TET3: variants seen among roughly 807,000 people sequenced by gnomAD.
TET3 encodes methylcytosine dioxygenase TET3.
In TET3, 19 loss-of-function variants were observed where a neutral mutation model predicts 141.4. The ratio of observed to expected loss-of-function variants is 0.13; its 90% CI spans 0.09 to 0.20. The LOEUF (loss-of-function observed/expected upper bound fraction) is 0.20. Among genes scored for constraint, TET3 ranks in the 10% least tolerant of loss-of-function variants. The pLI is 1.00. For missense variants in TET3, 1,874 were observed against 2,356.9 expected, an observed-to-expected ratio of 0.80 and a Z score of 4.24; for synonymous variants, 1,043 against 980.9, an observed-to-expected ratio of 1.06 and a Z score of -1.18.
chr2:74,065,016 G>T (rs934529335), intron 4 of TET3, among the ~76,000 whole-genome samples: 4 of 152,086 alleles, frequency 2.6e-5, no homozygotes, highest in Admixed American at 6.5e-5. Context: ...TGTAAAACAT[G>T]CAACTCATTT....
At chr2:74,076,586 T>C (rs1002109579) in intron 5 of TET3, among the ~76,000 whole-genome samples, 2 of 151,952 alleles carry the variant, frequency 1.3e-5, no homozygotes, top group Non-Finnish European at 2.9e-5. Context: ...CCCCACTGAT[T>C]GTATTTTGTG....
chr2:74,131,096 C>T, the TET3 span, among the ~76,000 whole-genome samples: 1 of 151,986 alleles, frequency 6.6e-6, no homozygotes, highest in Admixed American at 6.6e-5. Context: ...TCCGCTCTCC[C>T]GTTCCCTCAC....
At chr2:74,027,337 C>CTTTT (rs10649560) in intron 3 of TET3, among the ~76,000 whole-genome samples, 193 of 139,646 alleles carry the variant, frequency 1.4e-3, no homozygotes, top group Non-Finnish European at 2.0e-3. Flanking sequence ...TGAGAAGTGA[C>CTTTT]TTTTTTTTTT....
Position 74,107,281 on chromosome 2 carries a change from C to T in TET3, c.*5105C>T, listed in dbSNP as rs559498795. The T allele has an allele frequency of 3.3e-5, 5 of 152,360 alleles. No individual in the cohort carries two copies. Among genetic ancestry groups the T allele is most frequent in the East Asian group, 1.9e-4 (1 of 5,184 alleles). 9.4% of individuals were successfully genotyped at this position (152,360 alleles called of 1,614,324 possible). A position where few individuals can be genotyped will look rare whatever the true frequency, so the allele number is the denominator to read the frequency against. On this transcript the variant is annotated 3_prime_UTR_variant, in exon 12 of 12. Coordinates refer to ENST00000409262, the MANE Select transcript of TET3 (RefSeq NM_001287491.2). Reference sequence around the variant, plus strand: ...ATAGGCTTCTCCCCTGAGCAGAGACCGCAGCACAGAAATGCAAGGTCTAAA... The same window carrying T: ...ATAGGCTTCTCCCCTGAGCAGAGACTGCAGCACAGAAATGCAAGGTCTAAA...
intron 8 of TET3, among the ~76,000 whole-genome samples, chr2:74,090,728 C>T (rs1558785335): frequency 6.6e-6 from 1 of 152,230 alleles, no homozygotes; most frequent in Non-Finnish European, 1.5e-5. Context: ...AGGCCGCCTC[C>T]CCTCTGTTGT....
At chr2:74,123,236 G>A in the TET3 span, 3 of 152,170 alleles carry the variant, frequency 2.0e-5, no homozygotes, top group Non-Finnish European at 4.4e-5. Context: ...ATGTCAAATC[G>A]CTTGAATTCA....
intron 3 of TET3, among the ~76,000 whole-genome samples, chr2:74,031,120 TGCAGGCTGAGC>T (rs371947783): frequency 7.2e-5 from 11 of 151,952 alleles, no homozygotes; most frequent in African/African-American, 2.4e-4. Context: ...GGGCTGTTGG[TGCAGGCTGAGC>T]GGTGGGGCCT....
intron 3 of TET3, among the ~76,000 whole-genome samples, chr2:74,008,944 G>A (rs1318444246): frequency 6.6e-6 from 1 of 152,144 alleles, no homozygotes; most frequent in African/African-American, 2.4e-5. Flanking sequence ...TTTCCCCCGT[G>A]TAATCCTAAC....
intron 3 of TET3, among the ~76,000 whole-genome samples, chr2:74,038,259 A>G (rs1031960855): frequency 1.1e-4 from 17 of 152,132 alleles, no homozygotes; most frequent in Admixed American, 8.5e-4. Context: ...GTGAAGAGTT[A>G]TGTCTCTTCT....
chr2:74,088,522 T>G (rs536725238), intron 7 of TET3, among the ~76,000 whole-genome samples: 2 of 152,118 alleles, frequency 1.3e-5, no homozygotes, highest in Non-Finnish European at 2.9e-5. Context: ...ACACCTGTAG[T>G]CCCAGCTACT....
intron 2 of TET3, among the ~76,000 whole-genome samples, chr2:73,988,990 G>GTTGT (rs1684188311): frequency 9.4e-6 from 1 of 106,304 alleles, no homozygotes; most frequent in African/African-American, 3.7e-5. Flanking sequence ...AAAAAAAAAA[G>GTTGT]TTTTTTTTGT....
intron 4 of TET3, among the ~76,000 whole-genome samples, chr2:74,064,167 T>A (rs185337947): frequency 7.6e-4 from 116 of 152,234 alleles, no homozygotes; most frequent in Non-Finnish European, 1.0e-3. Flanking sequence ...TAGCTTATAA[T>A]CAATGATGTC....
chr2:73,992,179 T>G (rs4852999), intron 2 of TET3, among the ~76,000 whole-genome samples: 14,677 of 152,130 alleles, frequency 0.096, 1,775 homozygotes, highest in African/African-American at 0.27. Flanking sequence ...ACTGGGTCCC[T>G]GTGGTGTCAG....
intron 7 of TET3, 93 bp downstream of exon 7, chr2:74,088,131 A>G (rs1459367701): frequency 1.1e-5 from 14 of 1,298,352 alleles, no homozygotes; most frequent in Non-Finnish European, 1.4e-5. Context: ...GAAGGCTCCT[A>G]GGGGCCCTCT....
At chr2:74,002,551 A>T (rs1684908490) in intron 2 of TET3, among the ~76,000 whole-genome samples, 2 of 152,056 alleles carry the variant, frequency 1.3e-5, no homozygotes, top group Admixed American at 1.3e-4. Context: ...GGAAGCAGCC[A>T]GCGCGGCTCA....
intron 3 of TET3, among the ~76,000 whole-genome samples, chr2:74,009,370 C>T (rs753032613): frequency 2.0e-5 from 3 of 152,188 alleles, no homozygotes; most frequent in Non-Finnish European, 2.9e-5. Flanking sequence ...CATGTTCTCC[C>T]TTGAGTGTGA....
chr2:74,088,433 G>A (rs1361485052), intron 7 of TET3, among the ~76,000 whole-genome samples: 2 of 151,470 alleles, frequency 1.3e-5, no homozygotes, highest in Non-Finnish European at 2.9e-5. Flanking sequence ...ATAAGGTCAG[G>A]AGTTTGAGAC....
rs1234193989 is a variant in TET3 at position 73,985,070 on chromosome 2, CGGCGGCGGCCGCGACGGTGGT to C, written c.-502_-482del. On this transcript the variant is annotated 5_prime_UTR_variant, in exon 1 of 12. Coordinates refer to ENST00000409262, the MANE Select transcript of TET3 (RefSeq NM_001287491.2). Reference sequence around the variant, plus strand: ...GGGAGGCGGGAGCCCCAGGCGGCGGCGGCGGCGGCCGCGACGGTGGTGGCGGCGGCGGCGCGGGCCGGGAAA... The same window carrying C: ...GGGAGGCGGGAGCCCCAGGCGGCGGCGGCGGCGGCGGCGCGGGCCGGGAAA... 7.0e-3 allele frequency: 1,023 copies of C among 146,520 alleles called. 7 individuals carry two copies. The highest frequency in any genetic ancestry group is 0.015 in the African/African-American group (613 of 40,316). 9.1% of individuals were successfully genotyped at this position (146,520 alleles called of 1,614,324 possible). A position where few individuals can be genotyped will look rare whatever the true frequency, so the allele number is the denominator to read the frequency against.
chr2:74,076,503 T>C (rs1689521842), intron 5 of TET3, among the ~76,000 whole-genome samples: 1 of 137,898 alleles, frequency 7.3e-6, no homozygotes, highest in Non-Finnish European at 1.6e-5. Flanking sequence ...TTTGACATGA[T>C]CCTAACAAGC....
Sources: gnomAD v4.1 joint callset for allele counts (sites outside exome capture counted in the v4.1 genomes callset) on GRCh38, gnomAD v4.1.1 for gene constraint, MANE v1.5 for transcripts, NCBI Gene and HGNC (gene_info 2026-07-23, HGNC 2026-07-21) for gene names.